SOS1: variants seen among roughly 807,000 people sequenced by gnomAD.
SOS1 encodes the protein SOS Ras/Rac guanine nucleotide exchange factor 1, also known as son of sevenless homolog 1.
Under a neutral mutation model 157.6 loss-of-function variants are expected in SOS1, and 25 were observed. The observed-to-expected ratio is 0.16, with a 90% CI of 0.12 to 0.22. The LOEUF is 0.22. SOS1 is among the 10% of genes least tolerant of loss of function. The probability of loss-of-function intolerance (pLI) is 1.00; values close to 1 mark genes in which losing one functional copy is unlikely to be tolerated. For synonymous variants in SOS1, 528 were observed against 534.0 expected, an observed-to-expected ratio of 0.99 and a Z score of 0.16; for missense variants, 1,237 against 1,599.1, an observed-to-expected ratio of 0.77 and a Z score of 3.86.
At chr2:39,035,900 A>C (rs571900836) in intron 6 of SOS1, among the ~76,000 whole-genome samples, 1 of 152,350 alleles carries the variant, frequency 6.6e-6, no homozygotes, top group African/African-American at 2.4e-5. Flanking sequence ...ATGTTTTTAT[A>C]GTTCTCAGTG....
Position 39,003,574 on chromosome 2 carries a change from A to T in SOS1, c.2791+2838T>A, listed in dbSNP as rs529331765. ...ACCCAAGGAAATTAAAAATTCTTGG[A>T]ATTAAAGGTAACTTAATGAATACCA... On this transcript the variant is annotated intron_variant, in intron 17 of 22. Transcript: ENST00000402219. Among the ~76,000 whole-genome samples, 12 of 152,348 alleles carry T rather than the reference A, an allele frequency of 7.9e-5. No homozygotes were observed. The South Asian group carries it at 2.5e-3, about 32-fold the overall frequency.
chr2:39,098,826 T>G (rs1353952253), intron 1 of SOS1, among the ~76,000 whole-genome samples: 1 of 151,994 alleles, frequency 6.6e-6, no homozygotes, highest in African/African-American at 2.4e-5. Flanking sequence ...AAGGTGGAGG[T>G]TGCAGTGAGC....
intron 1 of SOS1, among the ~76,000 whole-genome samples, chr2:39,075,112 C>T (rs1671925314): frequency 6.6e-6 from 1 of 151,998 alleles, no homozygotes; most frequent in Non-Finnish European, 1.5e-5. Flanking sequence ...GATGGGTTAA[C>T]AGAGATGAGG....
rs1669435129 is a variant in SOS1 at position 39,010,595 on chromosome 2, C to T, written c.2499G>A (p.Leu833=). 6 of 1,610,836 alleles carry T rather than the reference C, an allele frequency of 3.7e-6. No individual in the cohort carries two copies. The highest frequency in any genetic ancestry group is 5.1e-6 in the Non-Finnish European group (6 of 1,177,076). Residue 833 remains leucine, a synonymous_variant, in exon 15 of 23, where the codon CTG becomes CTA. Coordinates refer to ENST00000402219, the MANE Select transcript of SOS1 (RefSeq NM_005633.4). The stretch of plus-strand genomic sequence containing the variant: ...CTAGGAATACTTACTTCTCAAACCA[C>T]AGAGTGAGGTTGGTGGTATGTCGAA... ...KMIRHTTNLT[L]WFEKCIVETE...
At chr2:39,122,695 G>C (rs1217810967), upstream of SOS1, among the ~76,000 whole-genome samples, 1 of 152,088 alleles carries the variant, frequency 6.6e-6, no homozygotes, top group Non-Finnish European at 1.5e-5. Flanking sequence ...ATAGGCGCCT[G>C]CCACCACACC....
chr2:38,985,894 T>G lies in SOS1; in HGVS notation c.3932A>C (p.Lys1311Thr). 6.2e-7 allele frequency: 1 copy of G among 1,613,866 alleles called. No homozygotes were observed. Among genetic ancestry groups the G allele is most frequent in the South Asian group, 1.1e-5 (1 of 91,070 alleles). The part of the protein sequence containing the change: ...HIPKLPPKTY[K>T]REHTHPSMHR... ...CATGGATGGGTGTGTGTGCTCCCTT[T>G]TGTAAGTTTTTGGAGGGAGTTTAGG... Residue 1311 changes from lysine to threonine, a missense_variant, in exon 23 of 23, where the codon AAA becomes ACA. This residue lies in a region of SOS1 where 306 missense variants were observed against 322.6 expected (regional missense o/e 0.95). Coordinates refer to ENST00000402219, the MANE Select transcript of SOS1 (RefSeq NM_005633.4).
At chr2:39,102,930 G>C (rs1293259130) in intron 1 of SOS1, among the ~76,000 whole-genome samples, 1 of 152,068 alleles carries the variant, frequency 6.6e-6, no homozygotes, top group Admixed American at 6.6e-5. Flanking sequence ...ACTCCAGTCT[G>C]GGTGACAGGG....
rs1670366199 is a variant in SOS1, at chr2:39,036,725, C to T, written c.865-1225G>A. On this transcript the variant is annotated intron_variant, in intron 6 of 22. Transcript: ENST00000402219. ...AGTAGCTGGGATTACAGGCATCCGCCACCACGCCCGGCTATTTTTTTTTGT... is the reference window on the plus strand; with the variant it reads ...AGTAGCTGGGATTACAGGCATCCGCTACCACGCCCGGCTATTTTTTTTTGT... Among the ~76,000 whole-genome samples, 6 of 151,954 alleles carry T rather than the reference C, an allele frequency of 3.9e-5. No individual in the cohort carries two copies. The South Asian group carries it at 1.2e-3, about 31-fold the overall frequency.
intron 2 of SOS1, 37 bp downstream of exon 2, chr2:39,067,591 T>A (rs753152635): frequency 1.3e-6 from 2 of 1,592,370 alleles, no homozygotes; most frequent in Non-Finnish European, 1.7e-6. Flanking sequence ...ACACACAAAT[T>A]AGATATAAAG....
intron 17 of SOS1, 56 bp from the exon 18 acceptor site, chr2:38,997,481 TC>T (rs1041099429): frequency 3.1e-6 from 4 of 1,310,624 alleles, no homozygotes; most frequent in Non-Finnish European, 4.4e-6. Context: ...CAAGTTTTTT[TC>T]TGTTTCATTA....
intron 1 of SOS1, among the ~76,000 whole-genome samples, chr2:39,082,297 G>A (rs1023410675): frequency 1.3e-5 from 2 of 152,104 alleles, no homozygotes. Context: ...GTTTTTAGAT[G>A]GGTTCACATA....
intron 2 of SOS1, 63 bp from the exon 3 acceptor site, chr2:39,058,867 A>G (rs1671304037): frequency 7.4e-7 from 1 of 1,343,662 alleles, no homozygotes; most frequent in South Asian, 1.3e-5. Flanking sequence ...TTCACTTAAA[A>G]TTTACTTTTA....
At chr2:39,023,614 T>C (rs923747073) in intron 9 of SOS1, among the ~76,000 whole-genome samples, 1 of 152,112 alleles carries the variant, frequency 6.6e-6, no homozygotes. Context: ...TAAAAACATG[T>C]AGCACATATT....
At chr2:39,009,447 A>C (rs1017260007) in intron 15 of SOS1, among the ~76,000 whole-genome samples, 1 of 152,258 alleles carries the variant, frequency 6.6e-6, no homozygotes, top group African/African-American at 2.4e-5. Context: ...AAAGACCATC[A>C]GTAAAGGTAA....
Position 39,099,558 on chromosome 2 carries a change from G to A in SOS1, c.87+20778C>T, listed in dbSNP as rs925689453. Among the ~76,000 whole-genome samples, 3 of 152,094 alleles carry A rather than the reference G, an allele frequency of 2.0e-5. No homozygotes were observed. The East Asian group carries it at 5.8e-4, about 29-fold the overall frequency. On this transcript the variant is annotated intron_variant, in intron 1 of 22. Coordinates refer to ENST00000402219, the MANE Select transcript of SOS1 (RefSeq NM_005633.4). ...TAAATATACTAAAAACTACTGAATT[G>A]TATAGGTTAATACTAGTTCCTTGAT...
At chr2:39,075,056 G>A (rs1384779502) in intron 1 of SOS1, among the ~76,000 whole-genome samples, 8 of 152,064 alleles carry the variant, frequency 5.3e-5, no homozygotes, top group South Asian at 2.1e-4. Flanking sequence ...AGTGAGACAC[G>A]GACATCATTG....
chr2:39,043,790 G>A (rs1391009626), intron 6 of SOS1, among the ~76,000 whole-genome samples: 1 of 152,004 alleles, frequency 6.6e-6, no homozygotes, highest in Non-Finnish European at 1.5e-5. Context: ...CCACCCTGAT[G>A]ACCTTATCTA....
intron 4 of SOS1, among the ~76,000 whole-genome samples, chr2:39,055,684 G>A (rs965313012): frequency 6.6e-6 from 1 of 152,092 alleles, no homozygotes; most frequent in African/African-American, 2.4e-5. Flanking sequence ...TTCCAAATCA[G>A]TAAGAGTATA....
At chr2:39,075,406 C>G (rs897795359) in intron 1 of SOS1, among the ~76,000 whole-genome samples, 1 of 152,064 alleles carries the variant, frequency 6.6e-6, no homozygotes, top group Non-Finnish European at 1.5e-5. Context: ...GGGAAACAAA[C>G]CTGAAATTCT....
Sources: gnomAD v4.1 joint callset for allele counts (sites outside exome capture counted in the v4.1 genomes callset) on GRCh38, gnomAD v4.1.1 for gene constraint, gnomAD v4.1.1 regional missense constraint, MANE v1.5 for transcripts, NCBI Gene and HGNC (gene_info 2026-07-23, HGNC 2026-07-21) for gene names.